KCNH6: variants seen among roughly 807,000 people sequenced by gnomAD.
The protein encoded by KCNH6 is voltage-gated inwardly rectifying potassium channel KCNH6.
A neutral mutation model predicts 83.4 loss-of-function variants in KCNH6; 81 were observed. The observed-to-expected ratio is 0.97, with a 90% CI of 0.81 to 1.17. The LOEUF (loss-of-function observed/expected upper bound fraction) is 1.17, where lower values mean the gene tolerates loss of function less well. Ranked by LOEUF, KCNH6 falls within the 50% of genes most tolerant of loss-of-function variation. KCNH6 has a pLI of 0.00. For synonymous variants in KCNH6, 503 were observed against 545.6 expected (o/e 0.92, Z 1.09); for missense variants, 1,203 against 1,290.5 (o/e 0.93, Z 1.04).
At position 63,538,416 on chromosome 17, in the gene KCNH6, A is replaced by G. The variant is rs1254023196; in HGVS notation, c.1708A>G (p.Lys570Glu). 1 of 1,598,022 alleles carries G rather than the reference A, an allele frequency of 6.3e-7. No homozygotes were observed. Residue 570 changes from lysine to glutamate, a missense_variant, in exon 8 of 13, where the codon AAG becomes GAG. Physicochemically the swap from Lys to Glu is moderately conservative, Grantham distance 56. Coordinates refer to ENST00000314672, the MANE Select transcript of KCNH6 (RefSeq NM_001278919.2). The surrounding 1 kb of genome is among the most constrained non-coding windows in gnomAD (Gnocchi z 4.0). The stretch of plus-strand genomic sequence containing the variant: ...TTGGCCGCCCGCCTTGCAGGTGCTG[A>G]AGGGCTTCCCCGAGTGCCTGCAGGC... ...TNGIDMNAVL[K>E]GFPECLQADI...
intron 2 of KCNH6, among the ~76,000 whole-genome samples, chr17:63,525,202 C>G (rs973069654): frequency 1.3e-5 from 2 of 152,206 alleles, no homozygotes; most frequent in East Asian, 3.9e-4. Context: ...AAATATCTCC[C>G]TGGTGGTTCT....
In KCNH6 at chr17:63,545,342, A is replaced by T. The variant is rs12603614; in HGVS notation, c.2583+78A>T. 2.3e-5 allele frequency: 33 copies of T among 1,451,496 alleles called. No individual in the cohort carries two copies. In the South Asian group the frequency reaches 3.0e-4, roughly 13 times the overall value. 89.9% of individuals were successfully genotyped at this position (1,451,496 alleles called of 1,614,324 possible). ...CCCTACCCTGACTTGTTCACAGTGC[A>T]GCATCAGGCCCAGAGCCTCTGTGGC... On this transcript the variant is annotated intron_variant, in intron 12 of 12. Transcript: ENST00000314672.
In KCNH6 at chr17:63,535,702, C is replaced by T. The variant is rs371501678; in HGVS notation, c.1135C>T (p.Arg379Trp). 46 of 1,612,616 alleles carry T rather than the reference C, an allele frequency of 2.9e-5. No individual in the cohort carries two copies. The highest frequency in any genetic ancestry group is 3.5e-5 in the Non-Finnish European group (41 of 1,179,170). Residue 379 changes from arginine (R) to tryptophan (W), a missense_variant, in exon 6 of 13, where the codon CGG (arginine) becomes TGG (tryptophan). Physicochemically the swap from Arg to Trp is moderately radical, Grantham distance 101. Coordinates refer to ENST00000314672, the MANE Select transcript of KCNH6 (RefSeq NM_001278919.2). The surrounding 1 kb of genome is among the most constrained non-coding windows in gnomAD (Gnocchi z 4.9). ...TTLIGLLKTA[R>W]LLRLVRVARK... is the part of the protein sequence containing the mutation. The stretch of plus-strand genomic sequence containing the variant: ...CCTGATTGGGCTATTGAAGACAGCG[C>T]GGCTGCTGCGGCTGGTGCGCGTAGC...
chr17:63,538,093 C>A lies in KCNH6; in HGVS notation c.1530C>A (p.Asn510Lys), dbSNP rs1156237780. Residue 510 changes from asparagine (N) to lysine (K), a missense_variant, in exon 7 of 13, where the codon AAC (asparagine) becomes AAA (lysine). Asn to Lys is a moderately conservative substitution (Grantham distance 94). Transcript: ENST00000314672. The surrounding 1 kb of genome is among the most constrained non-coding windows in gnomAD (Gnocchi z 4.0). ...GSLMYASIFGNVSAIIQRLYS... is the reference protein window; with the variant it reads ...GSLMYASIFGKVSAIIQRLYS... The stretch of plus-strand genomic sequence containing the variant: ...TGATGTACGCCAGCATCTTCGGGAA[C>A]GTGTCCGCGATCATCCAGCGCCTGT... 9.9e-6 allele frequency: 16 copies of A among 1,613,770 alleles called. No homozygotes were observed. Among genetic ancestry groups the A allele is most frequent in the Non-Finnish European group, 1.4e-5 (16 of 1,180,018 alleles).
At chr17:63,524,474 T>G (rs963302641) in intron 2 of KCNH6, 105 bp downstream of exon 2, 6 of 867,652 alleles carry the variant, frequency 6.9e-6, no homozygotes, top group Non-Finnish European at 1.1e-5. Flanking sequence ...CCAAAGGGCC[T>G]GAACAAACCC....
intron 2 of KCNH6, among the ~76,000 whole-genome samples, chr17:63,525,197 T>C (rs2031623937): frequency 6.6e-6 from 1 of 152,192 alleles, no homozygotes; most frequent in Non-Finnish European, 1.5e-5. Context: ...TTTGGAAATA[T>C]CTCCCTGGTG....
At chr17:63,540,762 C>T (rs1325127998) in intron 8 of KCNH6, among the ~76,000 whole-genome samples, 2 of 152,204 alleles carry the variant, frequency 1.3e-5, no homozygotes, top group African/African-American at 4.8e-5. Flanking sequence ...CTGTTACTGC[C>T]ACTTGCACTA....
intron 8 of KCNH6, 63 bp from the exon 9 acceptor site, chr17:63,542,178 A>T: frequency 6.4e-7 from 1 of 1,558,978 alleles, no homozygotes; most frequent in South Asian, 1.2e-5. Context: ...TCACGGTCAA[A>T]GGACCCTCAT....
chr17:63,541,827 G>A (rs1021032595), intron 8 of KCNH6, among the ~76,000 whole-genome samples: 6 of 152,306 alleles, frequency 3.9e-5, no homozygotes, highest in African/African-American at 1.2e-4. Flanking sequence ...GGCGGAGTTA[G>A]GTGCTCTGGC....
Position 63,530,462 on chromosome 17 carries a change from A to G in KCNH6, c.595A>G (p.Ser199Gly), listed in dbSNP as rs374682035. The change falls in exon 4 of 13, where the codon AGC (serine) becomes GGC (glycine). Residue 199 changes from serine to glycine, a missense_variant. Coordinates refer to ENST00000314672, the MANE Select transcript of KCNH6 (RefSeq NM_001278919.2). ...GTTCAACTTGGAGAAGCACCGCTCC[A>G]GCTCCACCACGGAGATTGAGATCAT... Reference protein sequence around the residue: ...VEFNLEKHRSSSTTEIEIIAP... With the variant: ...VEFNLEKHRSGSTTEIEIIAP... 48 of 1,614,220 alleles carry G rather than the reference A, an allele frequency of 3.0e-5. No individual in the cohort carries two copies. The highest frequency in any genetic ancestry group is 4.1e-5 in the Non-Finnish European group (48 of 1,180,030).
Position 63,534,059 on chromosome 17 carries a change from C to A in KCNH6, c.849C>A (p.Ser283Arg), listed in dbSNP as rs1054360560. Residue 283 changes from serine to arginine, a missense_variant, in exon 5 of 13, where the codon AGC (serine) becomes AGA (arginine). Transcript: ENST00000314672. This position sits in a 1 kb window ranked among gnomAD's most constrained non-coding sequence, Gnocchi z 5.0. The stretch of plus-strand genomic sequence containing the variant: ...CCTACTCAGCCGCCTTCCTGCTCAG[C>A]GATCAGGACGAATCACGGCGTGGGG... The part of the protein sequence containing the change: ...FTPYSAAFLL[S>R]DQDESRRGAC... 1.2e-6 allele frequency: 2 copies of A among 1,614,184 alleles called. No individual in the cohort carries two copies. Among genetic ancestry groups the A allele is most frequent in the Non-Finnish European group, 1.7e-6 (2 of 1,180,018 alleles).
In KCNH6 at chr17:63,544,363, C is replaced by T. The variant is rs1568089376; in HGVS notation, c.2348C>T (p.Pro783Leu). The T allele has an allele frequency of 6.2e-7, 1 of 1,610,178 alleles. No homozygotes were observed. Residue 783 changes from proline to leucine, a missense_variant, in exon 11 of 13, where the codon CCT becomes CTT. Physicochemically the swap from Pro to Leu is moderately conservative, Grantham distance 98. Coordinates refer to ENST00000314672, the MANE Select transcript of KCNH6 (RefSeq NM_001278919.2). ...CCTCAGGAAGACCCAGATTGCTGGC[C>T]TCTGAAGCTGGGCTCCAGGCTAGAG... ...QSPQEDPDCW[P>L]LKLGSRLEQL...
chr17:63,538,567 C>T lies in KCNH6; in HGVS notation c.1859C>T (p.Thr620Met). 6.2e-7 allele frequency: 1 copy of T among 1,612,870 alleles called. No individual in the cohort carries two copies. Among genetic ancestry groups the T allele is most frequent in the Non-Finnish European group, 8.5e-7 (1 of 1,179,616 alleles). The change falls in exon 8 of 13, where the codon ACG becomes ATG. Residue 620 changes from threonine to methionine, a missense_variant. Coordinates refer to ENST00000314672, the MANE Select transcript of KCNH6 (RefSeq NM_001278919.2). The surrounding 1 kb of genome is among the most constrained non-coding windows in gnomAD (Gnocchi z 4.0). Reference sequence around the variant, plus strand: ...ACCACCCACGCGCCGCCTGGGGACACGCTGGTGCACCTCGGCGACGTGCTC... The same window carrying T: ...ACCACCCACGCGCCGCCTGGGGACATGCTGGTGCACCTCGGCGACGTGCTC... ...FKTTHAPPGD[T>M]LVHLGDVLST...
Position 63,523,761 on chromosome 17 carries a change from C to T in KCNH6, c.76+272C>T, listed in dbSNP as rs2031500460. Among the ~76,000 whole-genome samples, 1 of 152,122 alleles carries T rather than the reference C, an allele frequency of 6.6e-6. No individual in the cohort carries two copies. The highest frequency in any genetic ancestry group is 6.5e-5 in the Admixed American group (1 of 15,274). ...CCTTGGTGCCCCAAGTTCGAACCTC[C>T]CCTTCCAGCCACTGCCTGCCCCCTC... is the stretch of plus-strand genomic sequence containing the variant. On this transcript the variant is annotated intron_variant, in intron 1 of 12. Transcript: ENST00000314672. The surrounding 1 kb of genome is among the most constrained non-coding windows in gnomAD (Gnocchi z 4.2).
chr17:63,544,432 GCTGGGGGCTGGT>G (rs754500368), intron 11 of KCNH6, 21 bp downstream of exon 11: 8 of 1,501,136 alleles, frequency 5.3e-6, no homozygotes, highest in Non-Finnish European at 7.1e-6. Flanking sequence ...TGTGGTCAGG[GCTGGGGGCTGGT>G]CATGGGTAGC....
Position 63,545,151 on chromosome 17 carries a change from G to A in KCNH6, c.2470G>A (p.Ala824Thr), listed in dbSNP as rs772052874. Residue 824 changes from alanine (A) to threonine (T), a missense_variant, in exon 12 of 13, where the codon GCC (alanine) becomes ACC (threonine). Coordinates refer to ENST00000314672, the MANE Select transcript of KCNH6 (RefSeq NM_001278919.2). ...LLQKPMPQGH[A>T]SYILEAPASN... Reference sequence around the variant, plus strand: ...CCAGAAGCCCATGCCCCAGGGCCACGCCAGCTACATTCTGGAAGCCCCTGC... The same window carrying A: ...CCAGAAGCCCATGCCCCAGGGCCACACCAGCTACATTCTGGAAGCCCCTGC... 4.2e-5 allele frequency: 68 copies of A among 1,613,620 alleles called. No homozygotes were observed. Among genetic ancestry groups the A allele is most frequent in the African/African-American group, 6.7e-5 (5 of 74,928 alleles).
Position 63,545,183 on chromosome 17 carries a change from T to C in KCNH6, c.2502T>C (p.Asn834=), listed in dbSNP as rs2033084232. 6.2e-7 allele frequency: 1 copy of C among 1,613,728 alleles called. No homozygotes were observed. Among genetic ancestry groups the C allele is most frequent in the African/African-American group, 1.3e-5 (1 of 74,938 alleles). Residue 834 remains asparagine, a synonymous_variant, in exon 12 of 13, where the codon AAT becomes AAC. Coordinates refer to ENST00000314672, the MANE Select transcript of KCNH6 (RefSeq NM_001278919.2). ...ASYILEAPAS[N]DLALVPIASE... ...ACATTCTGGAAGCCCCTGCCTCCAA[T>C]GACCTGGCCTTGGTTCCTATAGCCT...
intron 9 of KCNH6, among the ~76,000 whole-genome samples, chr17:63,542,666 G>A (rs78747076): frequency 0.035 from 5,387 of 152,262 alleles, 301 homozygotes; most frequent in African/African-American, 0.12. Context: ...TCTTGCAAAT[G>A]GTATTATTAT....
At chr17:63,524,090 G>T in intron 1 of KCNH6, 49 bp from the exon 2 acceptor site, 2 of 1,323,530 alleles carry the variant, frequency 1.5e-6, no homozygotes, top group Non-Finnish European at 2.2e-6. Context: ...CCTCCCAGCC[G>T]CTGGATCCTG....
Sources: allele counts gnomAD v4.1 joint callset (sites outside exome capture counted in the v4.1 genomes callset), GRCh38; gene constraint gnomAD v4.1.1; non-coding constraint Gnocchi (gnomAD v3.1); transcripts MANE v1.5; gene names NCBI Gene and HGNC (gene_info 2026-07-23, HGNC 2026-07-21).